The following DSCAML1 variants were observed in gnomAD, a reference collection of about 807,000 sequenced individuals.
DSCAML1 encodes the protein DS cell adhesion molecule like 1, also known as cell adhesion molecule DSCAML1.
In DSCAML1, 38 loss-of-function variants were observed where a neutral mutation model predicts 200.5. The observed-to-expected ratio is 0.19, with a 90% CI of 0.15 to 0.25. DSCAML1 has a LOEUF of 0.25. Ranked by LOEUF, DSCAML1 falls within the 10% of genes least tolerant of loss-of-function variation. DSCAML1 has a pLI of 1.00. For synonymous variants in DSCAML1, 1,215 were observed against 1,165.0 expected (o/e 1.04, Z -0.87); for missense variants, 2,223 against 2,858.8 (o/e 0.78, Z 5.07).
chr11:117,640,780 C>T (rs1006554580), intron 3 of DSCAML1, among the ~76,000 whole-genome samples: 4 of 152,208 alleles, frequency 2.6e-5, no homozygotes, highest in African/African-American at 9.6e-5. Flanking sequence ...CTTTGTTGTG[C>T]CTGAGGTTCT....
chr11:117,806,768 G>A (rs1824061219), intron 1 of DSCAML1, among the ~76,000 whole-genome samples: 1 of 152,176 alleles, frequency 6.6e-6, no homozygotes, highest in Admixed American at 6.5e-5. Flanking sequence ...TAGTGTTACT[G>A]CTGTTACATT....
At chr11:117,533,547 G>T (rs893740501) in intron 3 of DSCAML1, among the ~76,000 whole-genome samples, 1 of 152,198 alleles carries the variant, frequency 6.6e-6, no homozygotes. Context: ...TCAAACACCC[G>T]TTGTGTGCAA....
At chr11:117,604,522 G>C (rs920822886) in intron 3 of DSCAML1, among the ~76,000 whole-genome samples, 1 of 152,152 alleles carries the variant, frequency 6.6e-6, no homozygotes, top group African/African-American at 2.4e-5. Flanking sequence ...CTGGCACGAG[G>C]CTCCATTCTT....
chr11:117,546,457 G>A (rs889225213), intron 3 of DSCAML1, among the ~76,000 whole-genome samples: 21 of 152,316 alleles, frequency 1.4e-4, no homozygotes, highest in Admixed American at 1.3e-3. Flanking sequence ...CTAAGTGGGG[G>A]ACTCAGAACT....
At chr11:117,747,998 G>T (rs11605423) in intron 3 of DSCAML1, among the ~76,000 whole-genome samples, 1 of 151,976 alleles carries the variant, frequency 6.6e-6, no homozygotes, top group Non-Finnish European at 1.5e-5. Context: ...TTTCCCTTCC[G>T]CAAGTCCCAT....
Position 117,435,659 on chromosome 11 carries a change from G to T in DSCAML1, c.4861C>A (p.Leu1621Met). ...GCTCCCCCACCTCGGAGTCGCTTCA[G>T]CCGTTTCTCCTTCCTCTTCTTGCGT... ...IVRKKRKEKR[L>M]KRLRDAKSLA... The change falls in exon 27 of 33, where the codon CTG (leucine) becomes ATG (methionine). Residue 1621 changes from leucine to methionine, a missense_variant. Leu to Met is a conservative substitution (Grantham distance 15, BLOSUM62 2). Around this residue, in one of 7 missense-constraint regions of DSCAML1, gnomAD observed 614 missense variants for 739.1 expected, o/e 0.83. Transcript: ENST00000651296. 6.2e-7 allele frequency: 1 copy of T among 1,600,326 alleles called. No individual in the cohort carries two copies. The highest frequency in any genetic ancestry group is 8.6e-7 in the Non-Finnish European group (1 of 1,168,794).
chr11:117,533,354 C>G (rs557130300), intron 3 of DSCAML1, among the ~76,000 whole-genome samples: 88 of 152,272 alleles, frequency 5.8e-4, no homozygotes, highest in Admixed American at 1.4e-3. Context: ...CCAGGTCGCA[C>G]AGCCAGGAAG....
intron 3 of DSCAML1, among the ~76,000 whole-genome samples, chr11:117,657,286 G>A (rs1325030950): frequency 6.6e-6 from 1 of 152,116 alleles, no homozygotes; most frequent in African/African-American, 2.4e-5. Flanking sequence ...AAGAAACAAA[G>A]AAAAATGAGC....
At chr11:117,646,190 G>C (rs2088693544) in intron 3 of DSCAML1, among the ~76,000 whole-genome samples, 1 of 151,122 alleles carries the variant, frequency 6.6e-6, no homozygotes, top group Non-Finnish European at 1.5e-5. Context: ...CAGACCACAA[G>C]TCCTGATTTT....
intron 3 of DSCAML1, among the ~76,000 whole-genome samples, chr11:117,571,976 G>A (rs536921112): frequency 1.3e-5 from 2 of 152,298 alleles, no homozygotes; most frequent in South Asian, 2.1e-4. Context: ...CCATGGCAAC[G>A]TCAGGAAGGT....
rs2051258035 is a variant in DSCAML1, at chr11:117,591,448, A to G, written c.512-58926T>C. 2.0e-5 allele frequency among the ~76,000 whole-genome samples: 3 copies of G among 152,244 alleles called. No homozygotes were observed. The East Asian group carries it at 5.8e-4, about 29-fold the overall frequency. ...CTGCTAGGAGACATCTGTTCAGCAC[A>G]TAGAATCCACTCAGCTACTGTCACA... is the stretch of plus-strand genomic sequence containing the variant. On this transcript the variant is annotated intron_variant, in intron 3 of 32. Transcript: ENST00000651296.
At chr11:117,646,045 C>A (rs1389482526) in intron 3 of DSCAML1, among the ~76,000 whole-genome samples, 1 of 152,098 alleles carries the variant, frequency 6.6e-6, no homozygotes, top group African/African-American at 2.4e-5. Context: ...TGAATTTTTA[C>A]AGCTCTTTTC....
intron 3 of DSCAML1, among the ~76,000 whole-genome samples, chr11:117,597,797 C>T (rs1326119672): frequency 6.6e-6 from 1 of 152,096 alleles, no homozygotes; most frequent in Admixed American, 6.6e-5. Flanking sequence ...TCCTGACCTC[C>T]TATTTTTGCC....
intron 3 of DSCAML1, among the ~76,000 whole-genome samples, chr11:117,548,328 C>A (rs1227370211): frequency 1.3e-5 from 2 of 152,228 alleles, no homozygotes; most frequent in South Asian, 4.1e-4. Context: ...AATCTCAAAG[C>A]TGGGGCTGTC....
chr11:117,776,090 A>T (rs11819854), intron 3 of DSCAML1, among the ~76,000 whole-genome samples: 13,471 of 152,096 alleles, frequency 0.089, 706 homozygotes, highest in African/African-American at 0.14. Flanking sequence ...TATTTTAAAG[A>T]CCCAAGGTCC....
In DSCAML1 at chr11:117,807,085, C is replaced by T. The variant is rs187340538; in HGVS notation, c.-250+10305G>A. 2.7e-3 allele frequency among the ~76,000 whole-genome samples: 408 copies of T among 152,346 alleles called. 1 individual carries two copies. Among genetic ancestry groups the T allele is most frequent in the African/African-American group, 8.5e-3 (354 of 41,582 alleles). ...GGCCGGGGCACCCGCTTCCCCCAAG[C>T]CACACGCCAGATTTCAGGCTAGCCA... On this transcript the variant is annotated intron_variant, in intron 1 of 2. Coordinates refer to the DSCAML1 transcript ENST00000525836.
chr11:117,630,477 C>T (rs933375085), intron 3 of DSCAML1, among the ~76,000 whole-genome samples: 3 of 151,914 alleles, frequency 2.0e-5, no homozygotes, highest in Non-Finnish European at 4.4e-5. Flanking sequence ...ACAGCCCACC[C>T]TGCTGAGGGA....
chr11:117,730,738 C>A (rs975583369), intron 3 of DSCAML1, among the ~76,000 whole-genome samples: 2 of 152,188 alleles, frequency 1.3e-5, no homozygotes, highest in African/African-American at 4.8e-5. Context: ...TACACCCGCA[C>A]CAACATTTGT....
intron 14 of DSCAML1, among the ~76,000 whole-genome samples, chr11:117,472,591 A>G (rs1004457516): frequency 5.3e-5 from 8 of 152,196 alleles, no homozygotes; most frequent in African/African-American, 1.9e-4. Flanking sequence ...TCCCCAGTCC[A>G]AACCCTACCC....
Sources: gnomAD v4.1 joint callset for allele counts (sites outside exome capture counted in the v4.1 genomes callset) on GRCh38, gnomAD v4.1.1 for gene constraint, gnomAD v4.1.1 regional missense constraint, MANE v1.5 for transcripts, NCBI Gene and HGNC (gene_info 2026-07-23, HGNC 2026-07-21) for gene names.